NAALADL2: variants seen among roughly 807,000 people sequenced by gnomAD.
NAALADL2 encodes the protein N-acetylated alpha-linked acidic dipeptidase like 2, also known as inactive N-acetylated-alpha-linked acidic dipeptidase-like protein 2.
Under a neutral mutation model 87.2 loss-of-function variants are expected in NAALADL2, and 76 were observed. The ratio of observed to expected loss-of-function variants is 0.87; its 90% CI spans 0.72 to 1.05. NAALADL2 has a LOEUF of 1.05. Among genes scored for constraint, NAALADL2 ranks in the 50% least tolerant of loss-of-function variants. NAALADL2 has a pLI of 0.00. For missense variants in NAALADL2, 1,089 were observed against 945.8 expected, an observed-to-expected ratio of 1.15 and a Z score of -1.99; for synonymous variants, 354 against 331.0, an observed-to-expected ratio of 1.07 and a Z score of -0.75.
intron 9 of NAALADL2, among the ~76,000 whole-genome samples, chr3:175,549,581 G>A (rs866327053): frequency 6.6e-6 from 1 of 151,888 alleles, no homozygotes; most frequent in Non-Finnish European, 1.5e-5. Context: ...GAGACTGTGA[G>A]CTTGAAATTC....
Position 175,805,584 on chromosome 3 carries a change from T to TCC in NAALADL2, c.*2384_*2385dup, listed in dbSNP as rs1754629719. On this transcript the variant is annotated 3_prime_UTR_variant, in exon 14 of 14. Transcript: ENST00000454872. ...TGCCTCCAAATGTATATCATTTCAC[T>TCC]CCCCTCCCCTCCCCACCCCCAATAG... 1.3e-5 allele frequency: 2 copies of TCC among 150,806 alleles called. No individual in the cohort carries two copies. The highest frequency in any genetic ancestry group is 4.9e-5 in the African/African-American group (2 of 40,562). The allele number at this position is 150,806 out of a possible 1,614,324, so 9.3% of individuals were successfully genotyped here.
At chr3:174,511,558 G>T (rs1163565870) in intron 1 of NAALADL2, among the ~76,000 whole-genome samples, 1 of 151,308 alleles carries the variant, frequency 6.6e-6, no homozygotes. Context: ...ATTTCAAGTA[G>T]TTTTTCTGGT....
intron 3 of NAALADL2, among the ~76,000 whole-genome samples, chr3:174,742,510 A>G (rs981656458): frequency 3.3e-5 from 5 of 151,752 alleles, no homozygotes; most frequent in African/African-American, 1.2e-4. Flanking sequence ...AACAAATAAC[A>G]TATAATAAAT....
At chr3:175,487,028 G>A (rs920217876) in intron 9 of NAALADL2, among the ~76,000 whole-genome samples, 7 of 152,106 alleles carry the variant, frequency 4.6e-5, no homozygotes, top group Non-Finnish European at 8.8e-5. Context: ...TATCCTTGAA[G>A]ACTTAAGTCA....
At chr3:174,786,956 CA>C (rs963224185) in intron 3 of NAALADL2, among the ~76,000 whole-genome samples, 1 of 150,566 alleles carries the variant, frequency 6.6e-6, no homozygotes, top group Non-Finnish European at 1.5e-5. Flanking sequence ...ACATGATGTA[CA>C]AAAAAAATTA....
At chr3:174,872,333 G>C (rs928369647) in intron 1 of NAALADL2, among the ~76,000 whole-genome samples, 1 of 152,058 alleles carries the variant, frequency 6.6e-6, no homozygotes, top group Non-Finnish European at 1.5e-5. Flanking sequence ...TTTACAGAAG[G>C]CTCCTTGAGG....
chr3:174,494,372 G>A (rs1718386588), intron 1 of NAALADL2, among the ~76,000 whole-genome samples: 1 of 151,850 alleles, frequency 6.6e-6, no homozygotes, highest in African/African-American at 2.4e-5. Context: ...GCTAGAAGTA[G>A]GGGGAGTTTT....
intron 5 of NAALADL2, among the ~76,000 whole-genome samples, chr3:175,359,486 TG>T (rs1271644379): frequency 6.6e-6 from 1 of 151,898 alleles, no homozygotes; most frequent in African/African-American, 2.4e-5. Context: ...TTCTGCCTTC[TG>T]TGTAGGAAGG....
chr3:175,208,330 C>T (rs372570329), intron 2 of NAALADL2, among the ~76,000 whole-genome samples: 15 of 152,136 alleles, frequency 9.9e-5, no homozygotes, highest in African/African-American at 3.6e-4. Context: ...ACCTATCTTG[C>T]TTTGCTAGTA....
intron 11 of NAALADL2, among the ~76,000 whole-genome samples, chr3:175,662,526 T>C (rs1470648995): frequency 3.3e-5 from 5 of 152,004 alleles, no homozygotes; most frequent in South Asian, 4.1e-4. Flanking sequence ...CAGTACTAAG[T>C]TGAGTAAAAG....
intron 11 of NAALADL2, among the ~76,000 whole-genome samples, chr3:175,725,469 T>A (rs1262966063): frequency 6.6e-6 from 1 of 152,154 alleles, no homozygotes; most frequent in African/African-American, 2.4e-5. Context: ...AGAATTAGCA[T>A]TGGAATGTAT....
intron 2 of NAALADL2, among the ~76,000 whole-genome samples, chr3:175,159,312 T>C (rs1413098735): frequency 6.6e-6 from 1 of 152,170 alleles, no homozygotes; most frequent in Non-Finnish European, 1.5e-5. Flanking sequence ...AGGACCAACT[T>C]AACCAGAATT....
chr3:174,866,061 C>A (rs1044046573), intron 1 of NAALADL2, among the ~76,000 whole-genome samples: 1 of 151,710 alleles, frequency 6.6e-6, no homozygotes, highest in East Asian at 1.9e-4. Context: ...CTCCTAGCAG[C>A]CAAAAGAAAA....
intron 6 of NAALADL2, among the ~76,000 whole-genome samples, chr3:175,454,744 A>G (rs528531580): frequency 5.3e-5 from 8 of 152,206 alleles, no homozygotes; most frequent in Non-Finnish European, 1.2e-4. Flanking sequence ...AGTTATTATC[A>G]GTGAGTGGAT....
intron 13 of NAALADL2, among the ~76,000 whole-genome samples, chr3:175,790,487 C>T (rs1752652705): frequency 6.6e-6 from 1 of 152,136 alleles, no homozygotes; most frequent in Admixed American, 6.5e-5. Context: ...TTAACTGAAA[C>T]ACTCATTATC....
intron 2 of NAALADL2, among the ~76,000 whole-genome samples, chr3:174,645,885 T>A (rs1723730280): frequency 6.6e-6 from 1 of 152,196 alleles, no homozygotes; most frequent in Non-Finnish European, 1.5e-5. Flanking sequence ...TCTGGAGTCA[T>A]GCTGTTCTTA....
At chr3:174,468,852 T>C (rs1207390283) in intron 1 of NAALADL2, among the ~76,000 whole-genome samples, 5 of 147,038 alleles carry the variant, frequency 3.4e-5, no homozygotes, top group South Asian at 4.3e-4. Context: ...AGTCTCCGCC[T>C]CCCGGGTTCA....
chr3:174,823,904 T>C (rs528267103), intron 3 of NAALADL2, among the ~76,000 whole-genome samples: 1 of 152,244 alleles, frequency 6.6e-6, no homozygotes, highest in African/African-American at 2.4e-5. Flanking sequence ...AGATACGAGA[T>C]TTCACTATGT....
At chr3:174,901,229 A>G (rs992454599) in intron 1 of NAALADL2, among the ~76,000 whole-genome samples, 1 of 152,174 alleles carries the variant, frequency 6.6e-6, no homozygotes, top group Non-Finnish European at 1.5e-5. Context: ...TAATTTTAAC[A>G]TGTATCAAGG....
Sources: gnomAD v4.1 joint callset for allele counts (sites outside exome capture counted in the v4.1 genomes callset) on GRCh38, gnomAD v4.1.1 for gene constraint, MANE v1.5 for transcripts, NCBI Gene and HGNC (gene_info 2026-07-23, HGNC 2026-07-21) for gene names.